The following RFX7 variants were observed in gnomAD, a reference collection of about 807,000 sequenced individuals.
RFX7 encodes DNA-binding protein RFX7.
RFX7 carries 26 observed loss-of-function variants against 111.8 expected under a neutral mutation model. That is an observed-to-expected ratio of 0.23 (90% CI 0.17 to 0.32). The LOEUF (loss-of-function observed/expected upper bound fraction) is 0.32, where lower values mean the gene tolerates loss of function less well. Ranked by LOEUF, RFX7 falls within the 10% of genes least tolerant of loss-of-function variation. RFX7 has a pLI of 1.00. For synonymous variants in RFX7, 624 were observed against 624.4 expected (o/e 1.00, Z 0.01); for missense variants, 1,573 against 1,772.9 (o/e 0.89, Z 2.02).
intron 2 of RFX7, among the ~76,000 whole-genome samples, chr15:56,218,147 T>TC (rs1196064332): frequency 1.7e-5 from 2 of 116,370 alleles, no homozygotes; most frequent in East Asian, 2.2e-4. Flanking sequence ...TGATTTTCTT[T>TC]TTTTTTTTTT....
rs1300873113 is a variant in RFX7 at position 56,136,378 on chromosome 15, A to G, written c.401+6400T>C. Among the ~76,000 whole-genome samples, 3 of 145,670 alleles carry G rather than the reference A, an allele frequency of 2.1e-5. No individual in the cohort carries two copies. The East Asian group carries it at 6.0e-4, about 29-fold the overall frequency. On this transcript the variant is annotated intron_variant, in intron 5 of 9. Coordinates refer to ENST00000559447, the MANE Select transcript of RFX7 (RefSeq NM_022841.7). Reference sequence around the variant, plus strand: ...TAGGTATTTTATTCTCTTTGAAGCAATTGTGAATGGGAGTTCACTCAGGAT... The same window carrying G: ...TAGGTATTTTATTCTCTTTGAAGCAGTTGTGAATGGGAGTTCACTCAGGAT...
chr15:56,242,988 T>G (rs2043722177), intron 2 of RFX7, 137 bp downstream of exon 2: 1 of 623,942 alleles, frequency 1.6e-6, no homozygotes. Context: ...CCTACAAATG[T>G]GCACCCGACT....
chr15:56,111,661 C>CAAAAAAAAAAAAAAAAAAAACAA (rs371681721), intron 5 of RFX7, among the ~76,000 whole-genome samples: 127 of 95,204 alleles, frequency 1.3e-3, no homozygotes, highest in Non-Finnish European at 1.8e-3. Context: ...ATAAATAAAC[C>CAAAAAAAAAAAAAAAAAAAACAA]AAAAAAAAAA....
At chr15:56,122,354 C>T (rs1407563036) in intron 5 of RFX7, among the ~76,000 whole-genome samples, 2 of 152,172 alleles carry the variant, frequency 1.3e-5, no homozygotes, top group Non-Finnish European at 2.9e-5. Flanking sequence ...TTCTTGTTCT[C>T]TTCCCTTATT....
At chr15:56,203,017 C>G (rs141303908) in intron 2 of RFX7, among the ~76,000 whole-genome samples, 1 of 152,244 alleles carries the variant, frequency 6.6e-6, no homozygotes, top group East Asian at 1.9e-4. Flanking sequence ...ATCTCAATAT[C>G]TGCCCTCCCC....
rs2041672084 is a variant in RFX7, at chr15:56,096,065, T to G, written c.1663A>C (p.Asn555His). The G allele has an allele frequency of 1.2e-6, 2 of 1,613,462 alleles. No homozygotes were observed. The highest frequency in any genetic ancestry group is 2.7e-5 in the African/African-American group (2 of 74,900). ...TGGGGAGCTTTAGCCTCATCAGAGT[T>G]CTCTTGGCACTGTACAGGATGCTCA... ...SDEHPVQCQE[N>H]SDEAKAPQTP... is the part of the protein sequence containing the mutation. Residue 555 changes from asparagine to histidine, a missense_variant, in exon 10 of 10, where the codon AAC (asparagine) becomes CAC (histidine). Transcript: ENST00000559447.
At chr15:56,242,946 G>A (rs1596034416) in intron 2 of RFX7, among the ~76,000 whole-genome samples, 179 bp downstream of exon 2, 1 of 152,336 alleles carries the variant, frequency 6.6e-6, no homozygotes, top group East Asian at 1.9e-4. Flanking sequence ...GACAGGGGCT[G>A]ATTGATGCAA....
At chr15:56,121,549 T>G (rs1164711598) in intron 5 of RFX7, among the ~76,000 whole-genome samples, 1 of 152,222 alleles carries the variant, frequency 6.6e-6, no homozygotes, top group African/African-American at 2.4e-5. Context: ...TTTCTTGTAC[T>G]TGGATATTGA....
intron 3 of RFX7, among the ~76,000 whole-genome samples, chr15:56,177,093 C>A (rs889167167): frequency 2.6e-5 from 4 of 152,158 alleles, no homozygotes; most frequent in Non-Finnish European, 5.9e-5. Context: ...TCCGTAAGTT[C>A]CAGCATACTG....
rs1239757424 is a variant in RFX7, at chr15:56,170,407, G to GA, written c.195+8862dup. On this transcript the variant is annotated intron_variant, in intron 3 of 9. Coordinates refer to ENST00000559447, the MANE Select transcript of RFX7 (RefSeq NM_022841.7). ...TAGAGTTTCTTAACCTCAGCACTCT[G>GA]ACCTTTTGGGCTAAGTCTGTTATGG... Among the ~76,000 whole-genome samples, 4 of 152,250 alleles carry GA rather than the reference G, an allele frequency of 2.6e-5. No individual in the cohort carries two copies. The East Asian group carries it at 7.7e-4, about 29-fold the overall frequency.
At chr15:56,238,454 C>T (rs970909158) in intron 2 of RFX7, among the ~76,000 whole-genome samples, 1 of 152,090 alleles carries the variant, frequency 6.6e-6, no homozygotes, top group Non-Finnish European at 1.5e-5. Flanking sequence ...GTATGCCTTA[C>T]AGGATTGAAT....
intron 2 of RFX7, among the ~76,000 whole-genome samples, chr15:56,199,830 A>G (rs1486945929): frequency 1.3e-5 from 2 of 152,204 alleles, no homozygotes; most frequent in African/African-American, 2.4e-5. Flanking sequence ...ATAAAAAGCC[A>G]TATTGTAATA....
chr15:56,200,627 T>C (rs1246852731), intron 2 of RFX7, among the ~76,000 whole-genome samples: 1 of 151,926 alleles, frequency 6.6e-6, no homozygotes, highest in Non-Finnish European at 1.5e-5. Flanking sequence ...GGTAAAACCC[T>C]GTCTCTACTA....
At chr15:56,162,201 G>A (rs1384889228) in intron 3 of RFX7, among the ~76,000 whole-genome samples, 1 of 151,976 alleles carries the variant, frequency 6.6e-6, no homozygotes, top group Non-Finnish European at 1.5e-5. Context: ...GATTTCTACT[G>A]GATTCTTCAA....
At chr15:56,230,916 A>G (rs950515266) in intron 2 of RFX7, among the ~76,000 whole-genome samples, 15 of 152,240 alleles carry the variant, frequency 9.9e-5, no homozygotes, top group Middle Eastern at 3.2e-3. Context: ...AACACAGTGT[A>G]ACCCCAACTC....
chr15:56,179,788 ACACACACACACACACACACACAC>A (rs1320757204), intron 2 of RFX7, among the ~76,000 whole-genome samples: 2 of 148,910 alleles, frequency 1.3e-5, no homozygotes, highest in African/African-American at 5.1e-5. Context: ...ACACACACAC[ACACACACACACACACACACACAC>A]ACCAGTAACA....
intron 5 of RFX7, among the ~76,000 whole-genome samples, chr15:56,140,773 A>G (rs1286671390): frequency 6.6e-6 from 1 of 152,230 alleles, no homozygotes; most frequent in Non-Finnish European, 1.5e-5. Flanking sequence ...TTTTAGAAAA[A>G]AAATCATAAG....
At chr15:56,141,678 C>CATATATAT (rs1567024637) in intron 5 of RFX7, among the ~76,000 whole-genome samples, 25 of 52,542 alleles carry the variant, frequency 4.8e-4, no homozygotes, top group African/African-American at 1.3e-3. Flanking sequence ...TATATATATG[C>CATATATAT]ATATATGCTG....
At chr15:56,152,103 T>C (rs920376620) in intron 3 of RFX7, among the ~76,000 whole-genome samples, 2 of 152,132 alleles carry the variant, frequency 1.3e-5, no homozygotes, top group Admixed American at 6.5e-5. Flanking sequence ...CACACAATAA[T>C]AGTAGGAGAC....
Sources: gnomAD v4.1 joint callset for allele counts (sites outside exome capture counted in the v4.1 genomes callset) on GRCh38, gnomAD v4.1.1 for gene constraint, MANE v1.5 for transcripts, NCBI Gene and HGNC (gene_info 2026-07-23, HGNC 2026-07-21) for gene names.